PCDHGA5: variants seen among roughly 807,000 people sequenced by gnomAD.
The protein encoded by PCDHGA5 is protocadherin gamma subfamily A, 5.
PCDHGA5 carries 36 observed loss-of-function variants against 56.7 expected under a neutral mutation model. The ratio of observed to expected loss-of-function variants is 0.64; its 90% confidence interval spans 0.49 to 0.84. The LOEUF (loss-of-function observed/expected upper bound fraction) is 0.84. PCDHGA5 is among the 40% of genes least tolerant of loss of function. The pLI, the probability that PCDHGA5 is intolerant of heterozygous loss-of-function variation, is 0.00. For missense variants in PCDHGA5, 1,305 were observed against 1,201.5 expected (o/e 1.09, Z -1.27); for synonymous variants, 563 against 520.2 (o/e 1.08, Z -1.12).
In PCDHGA5 at chr5:141,410,525, T is replaced by G. The variant is rs6891442; in HGVS notation, c.2421+43774T>G. The G allele has an allele frequency of 1.9e-3, 3,112 of 1,613,920 alleles. 62 individuals are homozygous for G. In the African/African-American group the frequency reaches 0.034, roughly 18 times the overall value. On this transcript the variant is annotated intron_variant, in intron 1 of 3. Transcript: ENST00000518069. ...CCTAAAATGCAGTGTGCCCCTACAT[T>G]CCAATGAAGACATGGTTTGCAGTGT...
chr5:141,370,607 G>T, intron 1 of PCDHGA5: 1 of 1,614,004 alleles, frequency 6.2e-7, no homozygotes, highest in South Asian at 1.1e-5. Context: ...TTATTGCAGA[G>T]AAGAAATTCT....
At chr5:141,375,007 C>A (rs369489853) in intron 1 of PCDHGA5, 1 of 1,614,000 alleles carries the variant, frequency 6.2e-7, no homozygotes, top group East Asian at 2.2e-5. Context: ...CAAATCTAGA[C>A]TATGAGGACT....
chr5:141,412,942 A>G, intron 1 of PCDHGA5: 1 of 465,476 alleles, frequency 2.1e-6, no homozygotes, highest in Non-Finnish European at 3.8e-6. Flanking sequence ...TAGGACTCTG[A>G]GCGCCGCTGT....
chr5:141,506,277 T>C (rs905595521), intron 3 of PCDHGA5, among the ~76,000 whole-genome samples: 1 of 152,050 alleles, frequency 6.6e-6, no homozygotes. Flanking sequence ...AGTGAAACCC[T>C]GTCTCTACTA....
chr5:141,510,251 C>T (rs569804850), intron 3 of PCDHGA5, among the ~76,000 whole-genome samples: 5 of 144,790 alleles, frequency 3.5e-5, no homozygotes, highest in South Asian at 4.3e-4. Flanking sequence ...CCAGGCTGGG[C>T]GACAGAGCAG....
chr5:141,465,781 T>G (rs2099109506), intron 1 of PCDHGA5, among the ~76,000 whole-genome samples: 1 of 150,278 alleles, frequency 6.7e-6, no homozygotes, highest in Non-Finnish European at 1.5e-5. Context: ...TTGTTACAGT[T>G]TTTTTTTTTT....
At position 141,405,308 on chromosome 5, in the gene PCDHGA5, GA is replaced by G. The variant is rs776065617; in HGVS notation, c.2421+38558del. 15 of 1,614,096 alleles carry G rather than the reference GA, an allele frequency of 9.3e-6. No individual in the cohort carries two copies. The African/African-American group carries it at 1.9e-4, about 20-fold the overall frequency. On this transcript the variant is annotated intron_variant, in intron 1 of 3. Transcript: ENST00000518069. The stretch of plus-strand genomic sequence containing the variant: ...CACACTCATCAGCCAGCAGAGCTGT[GA>G]GAAAAATGAGCCTTTGTGCGTCTCT...
intron 1 of PCDHGA5, chr5:141,421,138 G>T (rs2096548427): frequency 1.1e-6 from 1 of 899,466 alleles, no homozygotes. Context: ...ATATATTTTG[G>T]ATGTAGTCGG....
intron 1 of PCDHGA5, chr5:141,419,373 T>C: frequency 1.9e-6 from 3 of 1,613,754 alleles, no homozygotes; most frequent in Non-Finnish European, 2.5e-6. Context: ...TCGTCCTACG[T>C]GTCCGTGAGC....
chr5:141,490,906 G>A lies in PCDHGA5; in HGVS notation c.2422-3901G>A, dbSNP rs2099705910. 1 of 1,613,798 alleles carries A rather than the reference G, an allele frequency of 6.2e-7. No individual in the cohort carries two copies. Among genetic ancestry groups the A allele is most frequent in the Non-Finnish European group, 8.5e-7 (1 of 1,179,808 alleles). ...CACATCTCTGCATGTGTTTGTCCTA[G>A]ACGAGAATGATAATGCCCCAGCTGT... On this transcript the variant is annotated intron_variant, in intron 1 of 3. Coordinates refer to ENST00000518069, the MANE Select transcript of PCDHGA5 (RefSeq NM_018918.3). The surrounding 1 kb of genome is among the most constrained non-coding windows in gnomAD (Gnocchi z 5.4).
intron 1 of PCDHGA5, among the ~76,000 whole-genome samples, chr5:141,456,052 C>T (rs2098841739): frequency 1.3e-5 from 2 of 151,970 alleles, no homozygotes; most frequent in South Asian, 4.1e-4. Flanking sequence ...CGCCCACCAC[C>T]ACGTCCGGCT....
At chr5:141,395,111 T>G in intron 1 of PCDHGA5, 1 of 1,613,670 alleles carries the variant, frequency 6.2e-7, no homozygotes, top group Middle Eastern at 1.7e-4. Flanking sequence ...CGCGGAAGAG[T>G]CACCTGATCT....
At chr5:141,384,210 C>A in intron 1 of PCDHGA5, 1 of 1,613,886 alleles carries the variant, frequency 6.2e-7, no homozygotes, top group Admixed American at 1.7e-5. Flanking sequence ...GGGAAACTCA[C>A]ATATTCATGC....
Position 141,485,263 on chromosome 5 carries a change from G to A in PCDHGA5, c.2422-9544G>A. 1 of 1,614,162 alleles carries A rather than the reference G, an allele frequency of 6.2e-7. No individual in the cohort carries two copies. On this transcript the variant is annotated intron_variant, in intron 1 of 3. Transcript: ENST00000518069. This position sits in a 1 kb window ranked among gnomAD's most constrained non-coding sequence, Gnocchi z 5.7. ...ACCACCTGGGTTACGTTTGTGGGCA[G>A]ATCCGCTACCCGGTCCCAGAGGAGT...
At chr5:141,428,147 G>C (rs771536400) in intron 1 of PCDHGA5, 1 of 1,589,612 alleles carries the variant, frequency 6.3e-7, no homozygotes, top group Admixed American at 1.7e-5. Flanking sequence ...GGCTGCACAC[G>C]GGAACCTGCT....
rs1354510383 is a variant in PCDHGA5, at chr5:141,432,312, G to A, written c.2422-62495G>A. The A allele has an allele frequency of 5.6e-6, 9 of 1,614,132 alleles. No homozygotes were observed. The highest frequency in any genetic ancestry group is 7.6e-6 in the Non-Finnish European group (9 of 1,180,054). On this transcript the variant is annotated intron_variant, in intron 1 of 3. Transcript: ENST00000518069. The surrounding 1 kb of genome is among the most constrained non-coding windows in gnomAD (Gnocchi z 6.0). Reference sequence around the variant, plus strand: ...GACACTGGGGTACTGTATGCGCTGAGCTCCTTCGACTACGAGCAGTTCCGA... The same window carrying A: ...GACACTGGGGTACTGTATGCGCTGAACTCCTTCGACTACGAGCAGTTCCGA...
In PCDHGA5 at chr5:141,431,024, A is replaced by G; in HGVS notation, c.2422-63783A>G. ...CAGCGGCAGCTTGGTCACGGCGGGCAGGATAGACCGGGAGGAGCTCTGTAT... is the reference window on the plus strand; with the variant it reads ...CAGCGGCAGCTTGGTCACGGCGGGCGGGATAGACCGGGAGGAGCTCTGTAT... On this transcript the variant is annotated intron_variant, in intron 1 of 3. Transcript: ENST00000518069. The surrounding 1 kb of genome is among the most constrained non-coding windows in gnomAD (Gnocchi z 4.8). 2.5e-6 allele frequency: 4 copies of G among 1,614,024 alleles called. No homozygotes were observed. The highest frequency in any genetic ancestry group is 3.4e-6 in the Non-Finnish European group (4 of 1,179,926).
chr5:141,491,826 C>G lies in PCDHGA5; in HGVS notation c.2422-2981C>G. ...GGCTTGGTCGCTGGCTGCGCTCCAC[C>G]CGATTCTCGGGATCATTGGACCGTT... On this transcript the variant is annotated intron_variant, in intron 1 of 3. Coordinates refer to ENST00000518069, the MANE Select transcript of PCDHGA5 (RefSeq NM_018918.3). The surrounding 1 kb of genome is among the most constrained non-coding windows in gnomAD (Gnocchi z 6.9). 1 of 1,477,526 alleles carries G rather than the reference C, an allele frequency of 6.8e-7. No individual in the cohort carries two copies. The highest frequency in any genetic ancestry group is 9.0e-7 in the Non-Finnish European group (1 of 1,114,486). 91.5% of individuals were successfully genotyped at this position (1,477,526 alleles called of 1,614,324 possible). A position where few individuals can be genotyped will look rare whatever the true frequency, so the allele number is the denominator to read the frequency against.
At position 141,432,156 on chromosome 5, in the gene PCDHGA5, C is replaced by A; in HGVS notation, c.2422-62651C>A. On this transcript the variant is annotated intron_variant, in intron 1 of 3. Transcript: ENST00000518069. This position sits in a 1 kb window ranked among gnomAD's most constrained non-coding sequence, Gnocchi z 6.0. Reference sequence around the variant, plus strand: ...TCCGCTTATATCCCAGAGAACAATCCCAGAGGAGTTTCCCTCGTCTCTGTG... The same window carrying A: ...TCCGCTTATATCCCAGAGAACAATCACAGAGGAGTTTCCCTCGTCTCTGTG... The A allele has an allele frequency of 6.2e-7, 1 of 1,614,142 alleles. No homozygotes were observed. Among genetic ancestry groups the A allele is most frequent in the East Asian group, 2.2e-5 (1 of 44,874 alleles).
Sources: gnomAD v4.1 joint callset for allele counts (sites outside exome capture counted in the v4.1 genomes callset) on GRCh38, gnomAD v4.1.1 for gene constraint, Gnocchi (gnomAD v3.1) non-coding constraint, MANE v1.5 for transcripts, NCBI Gene and HGNC (gene_info 2026-07-23, HGNC 2026-07-21) for gene names.